SPG7: variants seen among roughly 807,000 people sequenced by gnomAD.
The protein encoded by SPG7 is mitochondrial inner membrane m-AAA protease component paraplegin.
SPG7 carries 103 observed loss-of-function variants against 81.9 expected under a neutral mutation model. The ratio of observed to expected loss-of-function variants is 1.26; its 90% CI spans 1.07 to 1.48. SPG7 has a LOEUF of 1.48. Ranked by LOEUF, SPG7 falls within the 40% of genes most tolerant of loss-of-function variation. SPG7 has a pLI of 0.00. For synonymous variants in SPG7, 534 were observed against 444.2 expected, an observed-to-expected ratio of 1.20 and a Z score of -2.54; for missense variants, 1,241 against 1,087.3, an observed-to-expected ratio of 1.14 and a Z score of -1.99.
At chr16:89,530,521 A>G in intron 6 of SPG7, 162 bp from the exon 7 acceptor site, 1 of 795,770 alleles carries the variant, frequency 1.3e-6, no homozygotes, top group Admixed American at 1.8e-5. Flanking sequence ...CTGTGCTTGA[A>G]GACTGACTGT....
intron 9 of SPG7, chr16:89,533,191 A>C (rs1033200872): frequency 3.1e-5 from 5 of 161,586 alleles, no homozygotes; most frequent in African/African-American, 7.2e-5. Context: ...TCTTTTTTAG[A>C]TAGTCTTGCT....
chr16:89,546,579 C>A (rs552772280), intron 10 of SPG7, 79 bp from the exon 11 acceptor site: 230 of 948,726 alleles, frequency 2.4e-4, no homozygotes, highest in Non-Finnish European at 3.7e-4. Context: ...GGACCCCCCC[C>A]CCCCACAGAC....
chr16:89,549,657 G>A (rs971199082), intron 12 of SPG7: 3 of 182,800 alleles, frequency 1.6e-5, no homozygotes, highest in Admixed American at 1.6e-4. Flanking sequence ...AACAGAGTGA[G>A]ACCCTGTCAC....
At position 89,548,056 on chromosome 16, in the gene SPG7, G is replaced by A; in HGVS notation, c.1606G>A (p.Gly536Arg). The A allele has an allele frequency of 6.2e-7, 1 of 1,611,382 alleles. No homozygotes were observed. The highest frequency in any genetic ancestry group is 8.5e-7 in the Non-Finnish European group (1 of 1,179,982). The change falls in exon 12 of 17, where the codon GGA (glycine) becomes AGA (arginine). Residue 536 changes from glycine (G) to arginine (R), a missense_variant. Physicochemically the swap from Gly to Arg is moderately radical, Grantham distance 125. Coordinates refer to ENST00000645818, the MANE Select transcript of SPG7 (RefSeq NM_003119.4). ...GGCTGCGCTGCACGCGGCGCGGGAG[G>A]GACACACTTCCGTGCACACTCTCAA... ...NEAALHAAREGHTSVHTLNFE... is the reference protein window; with the variant it reads ...NEAALHAARERHTSVHTLNFE...
chr16:89,539,063 C>T (rs1252950489), intron 9 of SPG7: 2 of 152,196 alleles, frequency 1.3e-5, no homozygotes, highest in African/African-American at 4.8e-5. Flanking sequence ...CAGTGGGTGT[C>T]TTGACTGAGT....
At chr16:89,513,203 A>G (rs898605034) in intron 3 of SPG7, among the ~76,000 whole-genome samples, 166 bp downstream of exon 3, 1 of 152,184 alleles carries the variant, frequency 6.6e-6, no homozygotes, top group African/African-American at 2.4e-5. Flanking sequence ...TGGAAGGATC[A>G]CTTGAGGCCT....
At chr16:89,536,537 G>T (rs2058423309) in intron 9 of SPG7, among the ~76,000 whole-genome samples, 1 of 145,396 alleles carries the variant, frequency 6.9e-6, no homozygotes, top group Non-Finnish European at 1.5e-5. Context: ...GGCGGGTGAG[G>T]TCAGGTGAGG....
intron 3 of SPG7, chr16:89,520,797 C>T (rs1483364684): frequency 3.3e-5 from 5 of 152,098 alleles, no homozygotes; most frequent in Non-Finnish European, 7.3e-5. Context: ...CCACCTGTCT[C>T]GACTCCCAAA....
rs762524120 is a variant in SPG7 at position 89,529,374 on chromosome 16, C to T, written c.759-103C>T. The T allele has an allele frequency of 6.3e-4, 488 of 769,610 alleles. 1 individual carries two copies. The highest frequency in any genetic ancestry group is 9.0e-4 in the Non-Finnish European group (393 of 435,868). The allele number at this position is 769,610 out of a possible 1,614,324, so 47.7% of individuals were successfully genotyped here. A position where few individuals can be genotyped will look rare whatever the true frequency, so the allele number is the denominator to read the frequency against. ...ATCGGTCCCAGACGTAGGGATTCCTCGTCTCATCTTGGAAACATTGCCAGC... is the reference window on the plus strand; with the variant it reads ...ATCGGTCCCAGACGTAGGGATTCCTTGTCTCATCTTGGAAACATTGCCAGC... On this transcript the variant is annotated intron_variant, in intron 5 of 16. Coordinates refer to ENST00000645818, the MANE Select transcript of SPG7 (RefSeq NM_003119.4).
At chr16:89,531,598 T>A (rs1296694038) in intron 7 of SPG7, 2 of 408,588 alleles carry the variant, frequency 4.9e-6, no homozygotes, top group Non-Finnish European at 9.2e-6. Context: ...GGTCTCAAAC[T>A]CCTGATCTCA....
rs1426421332 is a variant in SPG7 at position 89,550,159 on chromosome 16, A to AC, written c.1664-328dup. Reference sequence around the variant, plus strand: ...CAGGGAGAGGCCGGGGTCTCAGCTCACCCCCCCGTCATTCTTTTTTGTTTG... The same window carrying AC: ...CAGGGAGAGGCCGGGGTCTCAGCTCACCCCCCCCGTCATTCTTTTTTGTTTG... On this transcript the variant is annotated intron_variant, in intron 12 of 16. Coordinates refer to ENST00000645818, the MANE Select transcript of SPG7 (RefSeq NM_003119.4). 27 of 356,678 alleles carry AC rather than the reference A, an allele frequency of 7.6e-5. 1 individual carries two copies. Among genetic ancestry groups the AC allele is most frequent in the Admixed American group, 1.1e-4 (3 of 26,418 alleles). The allele number at this position is 356,678 out of a possible 1,614,324, so 22.1% of individuals were successfully genotyped here. A position where few individuals can be genotyped will look rare whatever the true frequency, so the allele number is the denominator to read the frequency against.
intron 5 of SPG7, chr16:89,526,703 C>G (rs773679616): frequency 1.5e-5 from 7 of 481,070 alleles, no homozygotes; most frequent in African/African-American, 3.9e-5. Flanking sequence ...ATACCAGCAC[C>G]TGAGGATGCC....
intron 3 of SPG7, chr16:89,514,384 G>C (rs547834006): frequency 3.3e-5 from 4 of 121,480 alleles, no homozygotes; most frequent in Admixed American, 1.1e-4. Context: ...GCAGTGGTGC[G>C]ATCTCAGCTC....
chr16:89,544,550 G>T (rs1468328328), intron 9 of SPG7, 98 bp from the exon 10 acceptor site: 2 of 1,422,446 alleles, frequency 1.4e-6, no homozygotes, highest in Admixed American at 1.7e-5. Context: ...CCTTAGGGGG[G>T]TCTCTCTCCC....
chr16:89,548,075 C>A lies in SPG7; in HGVS notation c.1625C>A (p.Thr542Asn). The change falls in exon 12 of 17, where the codon ACT (threonine) becomes AAT (asparagine). Residue 542 changes from threonine (T) to asparagine (N), a missense_variant. Thr to Asn is a moderately conservative substitution (Grantham distance 65). Coordinates refer to ENST00000645818, the MANE Select transcript of SPG7 (RefSeq NM_003119.4). ...CGGGAGGGACACACTTCCGTGCACA[C>A]TCTCAACTTCGAGTACGCCGTGGAG... ...AAREGHTSVH[T>N]LNFEYAVERV... 6.2e-7 allele frequency: 1 copy of A among 1,609,886 alleles called. No homozygotes were observed. The highest frequency in any genetic ancestry group is 8.5e-7 in the Non-Finnish European group (1 of 1,179,926).
intron 9 of SPG7, among the ~76,000 whole-genome samples, chr16:89,535,643 T>C: frequency 6.6e-6 from 1 of 152,216 alleles, no homozygotes; most frequent in Non-Finnish European, 1.5e-5. Flanking sequence ...TTCTGTGATG[T>C]CTGAGGTGTC....
chr16:89,544,620 A>C, intron 9 of SPG7, 28 bp from the exon 10 acceptor site: 1 of 1,613,644 alleles, frequency 6.2e-7, no homozygotes, highest in Non-Finnish European at 8.5e-7. Context: ...CCCTACCCTC[A>C]GAGCCACTGT....
chr16:89,550,129 C>G lies in SPG7; in HGVS notation c.1664-365C>G, dbSNP rs142320177. Reference sequence around the variant, plus strand: ...TGACCACACGGGGCAGGAGCAGGGCCCAGCCAGGGAGAGGCCGGGGTCTCA... The same window carrying G: ...TGACCACACGGGGCAGGAGCAGGGCGCAGCCAGGGAGAGGCCGGGGTCTCA... On this transcript the variant is annotated intron_variant, in intron 12 of 16. Coordinates refer to ENST00000645818, the MANE Select transcript of SPG7 (RefSeq NM_003119.4). 4.3e-4 allele frequency: 151 copies of G among 351,760 alleles called. 2 individuals carry two copies. In the Middle Eastern group the frequency reaches 7.2e-3, roughly 17 times the overall value. 21.8% of individuals were successfully genotyped at this position (351,760 alleles called of 1,614,324 possible).
intron 9 of SPG7, chr16:89,543,394 G>A (rs2058524436): frequency 7.1e-6 from 1 of 141,698 alleles, no homozygotes; most frequent in Non-Finnish European, 1.5e-5. Context: ...CCAGGCTGGA[G>A]TACAGTGACA....
Sources: gnomAD v4.1 joint callset for allele counts (sites outside exome capture counted in the v4.1 genomes callset) on GRCh38, gnomAD v4.1.1 for gene constraint, MANE v1.5 for transcripts, NCBI Gene and HGNC (gene_info 2026-07-23, HGNC 2026-07-21) for gene names.